The following CAND1 variants were observed in gnomAD, a reference collection of about 807,000 sequenced individuals.
CAND1 encodes cullin-associated NEDD8-dissociated protein 1.
Under a neutral mutation model 108.5 loss-of-function variants are expected in CAND1, and 7 were observed. The ratio of observed to expected loss-of-function variants is 0.06; its 90% confidence interval spans 0.04 to 0.12. The LOEUF (loss-of-function observed/expected upper bound fraction) is 0.12. Among genes scored for constraint, CAND1 ranks in the 10% least tolerant of loss-of-function variants. The pLI, the probability that CAND1 is intolerant of heterozygous loss-of-function variation, is 1.00. For missense variants in CAND1, 941 were observed against 1,448.7 expected, an observed-to-expected ratio of 0.65 and a Z score of 5.69; for synonymous variants, 534 against 512.0, an observed-to-expected ratio of 1.04 and a Z score of -0.58.
intron 8 of CAND1, among the ~76,000 whole-genome samples, chr12:67,304,386 A>G (rs2044857532): frequency 6.6e-6 from 1 of 152,170 alleles, no homozygotes; most frequent in Admixed American, 6.5e-5. Flanking sequence ...GCTTTTCTGT[A>G]ATTTCTTATC....
chr12:67,311,888 TA>T (rs2044954327), intron 14 of CAND1, 88 bp downstream of exon 14: 1 of 772,546 alleles, frequency 1.3e-6, no homozygotes, highest in East Asian at 2.6e-5. Flanking sequence ...CAAATATAAC[TA>T]TTCCAGTGCT....
At position 67,312,981 on chromosome 12, in the gene CAND1, C is replaced by T. The variant is rs2136024710; in HGVS notation, c.*151C>T. On this transcript the variant is annotated 3_prime_UTR_variant, in exon 15 of 15. Coordinates refer to ENST00000545606, the MANE Select transcript of CAND1 (RefSeq NM_018448.5). ...GGAGACTGTTTGTTTGGCTTTCTTC[C>T]ATTGTTGTTTTTGTAGCATTTATTT... The T allele has an allele frequency of 1.9e-6, 1 of 533,848 alleles. No individual in the cohort carries two copies. The highest frequency in any genetic ancestry group is 3.0e-5 in the East Asian group (1 of 32,980). 33.1% of individuals were successfully genotyped at this position (533,848 alleles called of 1,614,324 possible). A position where few individuals can be genotyped will look rare whatever the true frequency, so the allele number is the denominator to read the frequency against.
intron 11 of CAND1, 111 bp downstream of exon 11, chr12:67,307,603 T>G (rs2044901682): frequency 2.9e-6 from 2 of 690,376 alleles, no homozygotes; most frequent in Admixed American, 5.5e-5. Flanking sequence ...ATAAAATAAT[T>G]GTTTAAAAGA....
At chr12:67,280,860 C>A (rs1473395183) in intron 1 of CAND1, among the ~76,000 whole-genome samples, 4 of 152,042 alleles carry the variant, frequency 2.6e-5, no homozygotes, top group Non-Finnish European at 4.4e-5. Flanking sequence ...TTAAACCTTC[C>A]TTTGGCAGTG....
Position 67,312,954 on chromosome 12 carries a change from A to C in CAND1, c.*124A>C. 2 of 573,280 alleles carry C rather than the reference A, an allele frequency of 3.5e-6. No homozygotes were observed. Among genetic ancestry groups the C allele is most frequent in the African/African-American group, 3.8e-5 (2 of 52,732 alleles). The allele number at this position is 573,280 out of a possible 1,614,324, so 35.5% of individuals were successfully genotyped here. A position where few individuals can be genotyped will look rare whatever the true frequency, so the allele number is the denominator to read the frequency against. The stretch of plus-strand genomic sequence containing the variant: ...AAAATGTTCCACTTTTTTTTCCTTC[A>C]TGGAGACTGTTTGTTTGGCTTTCTT... On this transcript the variant is annotated 3_prime_UTR_variant, in exon 15 of 15. Coordinates refer to ENST00000545606, the MANE Select transcript of CAND1 (RefSeq NM_018448.5).
rs1440102283 is a variant in CAND1, at chr12:67,316,809, GA to G, written c.*3980del. The G allele has an allele frequency of 2.0e-5, 3 of 152,136 alleles. No homozygotes were observed. The highest frequency in any genetic ancestry group is 7.2e-5 in the African/African-American group (3 of 41,424). 9.4% of individuals were successfully genotyped at this position (152,136 alleles called of 1,614,324 possible). ...TATTGCCAGTAAGTAATGGTTGATG[GA>G]TATTAAGTGATTTTAGTCTAGAATG... On this transcript the variant is annotated 3_prime_UTR_variant, in exon 15 of 15. Transcript: ENST00000545606.
At chr12:67,300,952 A>G (rs960650787) in intron 7 of CAND1, among the ~76,000 whole-genome samples, 2 of 152,140 alleles carry the variant, frequency 1.3e-5, no homozygotes, top group Non-Finnish European at 2.9e-5. Flanking sequence ...AATTATACCC[A>G]TTAAATGACT....
In CAND1 at chr12:67,269,605, G is replaced by A. The variant is rs918825495; in HGVS notation, c.-113G>A. Reference sequence around the variant, plus strand: ...GCGTCGGCGTCGCGCTGCGACCCTGGAAGCGGGAGCCGCCGCGAGCGAGAG... The same window carrying A: ...GCGTCGGCGTCGCGCTGCGACCCTGAAAGCGGGAGCCGCCGCGAGCGAGAG... On this transcript the variant is annotated 5_prime_UTR_variant, in exon 1 of 15. Transcript: ENST00000545606. The A allele has an allele frequency of 6.7e-6, 6 of 892,188 alleles. No homozygotes were observed. The highest frequency in any genetic ancestry group is 1.0e-5 in the Non-Finnish European group (6 of 583,330). The allele number at this position is 892,188 out of a possible 1,614,324, so 55.3% of individuals were successfully genotyped here.
intron 11 of CAND1, among the ~76,000 whole-genome samples, chr12:67,309,580 A>C (rs768048384): frequency 1.3e-5 from 2 of 152,016 alleles, no homozygotes; most frequent in Non-Finnish European, 2.9e-5. Context: ...TAGTCTTTTT[A>C]GCTCTGTCTC....
chr12:67,292,221 C>G (rs1273665392), intron 2 of CAND1, among the ~76,000 whole-genome samples: 1 of 151,972 alleles, frequency 6.6e-6, no homozygotes, highest in Non-Finnish European at 1.5e-5. Context: ...CCTTGTAGTC[C>G]TAGTTACTCA....
At chr12:67,285,166 G>A (rs2135998171) in intron 2 of CAND1, among the ~76,000 whole-genome samples, 1 of 152,272 alleles carries the variant, frequency 6.6e-6, no homozygotes, top group Admixed American at 6.5e-5. Context: ...AACAAGAAAT[G>A]TTACAGTGGT....
At chr12:67,270,882 T>G (rs969896759) in intron 1 of CAND1, 2 of 152,196 alleles carry the variant, frequency 1.3e-5, no homozygotes, top group Non-Finnish European at 2.9e-5. Context: ...CAAATAGTCT[T>G]CAACTAAAAT....
In CAND1 at chr12:67,311,651, A is replaced by G. The variant is rs751637630; in HGVS notation, c.3361-42A>G. The G allele has an allele frequency of 3.5e-6, 4 of 1,142,472 alleles. No homozygotes were observed. The South Asian group carries it at 5.1e-5, about 15-fold the overall frequency. 70.8% of individuals were successfully genotyped at this position (1,142,472 alleles called of 1,614,324 possible). A position where few individuals can be genotyped will look rare whatever the true frequency, so the allele number is the denominator to read the frequency against. ...AGAATTTAGTATTTTGTTTTTAGAAAATGATGTCAAATCTAAATTCTGTCT... is the reference window on the plus strand; with the variant it reads ...AGAATTTAGTATTTTGTTTTTAGAAGATGATGTCAAATCTAAATTCTGTCT... On this transcript the variant is annotated intron_variant, in intron 13 of 14. Transcript: ENST00000545606.
intron 1 of CAND1, among the ~76,000 whole-genome samples, chr12:67,273,511 C>T (rs1315614774): frequency 1.4e-5 from 2 of 140,980 alleles, no homozygotes; most frequent in East Asian, 2.0e-4. Context: ...GATAGGGTCT[C>T]GCTCTGTCAC....
chr12:67,284,527 CT>C (rs1308393559), intron 2 of CAND1, among the ~76,000 whole-genome samples: 1 of 152,062 alleles, frequency 6.6e-6, no homozygotes, highest in African/African-American at 2.4e-5. Flanking sequence ...ACTTAGTTTA[CT>C]TAGTATAATT....
At position 67,294,990 on chromosome 12, in the gene CAND1, A is replaced by G. The variant is rs377138278; in HGVS notation, c.368-43A>G. 2.0e-5 allele frequency: 32 copies of G among 1,591,252 alleles called. No homozygotes were observed. The Admixed American group carries it at 2.4e-4, about 12-fold the overall frequency. On this transcript the variant is annotated intron_variant, in intron 3 of 14. Transcript: ENST00000545606. ...TACCATGAATATAAGAGGGAATTCA[A>G]CATGCTTGCCTTGAAATTATTATTG...
At chr12:67,302,906 G>C (rs2044840084) in intron 8 of CAND1, among the ~76,000 whole-genome samples, 1 of 152,128 alleles carries the variant, frequency 6.6e-6, no homozygotes, top group East Asian at 1.9e-4. Flanking sequence ...TACTACTTGC[G>C]ATCACATAAC....
At chr12:67,307,724 T>C (rs915885562) in intron 11 of CAND1, among the ~76,000 whole-genome samples, 6 of 152,124 alleles carry the variant, frequency 3.9e-5, no homozygotes, top group African/African-American at 1.4e-4. Flanking sequence ...AGCATGTCTT[T>C]AGAGTCAACT....
intron 8 of CAND1, among the ~76,000 whole-genome samples, chr12:67,303,641 C>G (rs925834810): frequency 6.6e-6 from 1 of 152,134 alleles, no homozygotes; most frequent in African/African-American, 2.4e-5. Context: ...TGTTTTTACT[C>G]TGTACTTGCT....
Sources: gnomAD v4.1 joint callset for allele counts (sites outside exome capture counted in the v4.1 genomes callset) on GRCh38, gnomAD v4.1.1 for gene constraint, MANE v1.5 for transcripts, NCBI Gene and HGNC (gene_info 2026-07-23, HGNC 2026-07-21) for gene names.